CDH4: variants seen among roughly 807,000 people sequenced by gnomAD.
CDH4 encodes cadherin-4.
In CDH4, 33 loss-of-function variants were observed where a neutral mutation model predicts 86.0. That is an observed-to-expected ratio of 0.38 (90% confidence interval 0.29 to 0.51). The LOEUF is 0.51. Among genes scored for constraint, CDH4 ranks in the 20% least tolerant of loss-of-function variants. CDH4 has a pLI of 0.86. For missense variants in CDH4, 1,114 were observed against 1,307.4 expected, an observed-to-expected ratio of 0.85 and a Z score of 2.28; for synonymous variants, 555 against 549.4, an observed-to-expected ratio of 1.01 and a Z score of -0.14.
At chr20:61,880,910 C>G (rs1984245674) in intron 7 of CDH4, among the ~76,000 whole-genome samples, 1 of 152,216 alleles carries the variant, frequency 6.6e-6, no homozygotes, top group Non-Finnish European at 1.5e-5. Flanking sequence ...TGAGGGCCCC[C>G]CAGGCCCCAG....
At chr20:61,782,585 A>C (rs1220656403) in intron 4 of CDH4, among the ~76,000 whole-genome samples, 2 of 152,234 alleles carry the variant, frequency 1.3e-5, no homozygotes, top group Non-Finnish European at 2.9e-5. Context: ...GGGAGTTTAT[A>C]ATGTATGTTG....
chr20:61,407,643 T>C (rs545198897), intron 2 of CDH4, among the ~76,000 whole-genome samples: 1 of 152,334 alleles, frequency 6.6e-6, no homozygotes, highest in African/African-American at 2.4e-5. Context: ...GAGTCTGTCC[T>C]GATAAAACAT....
intron 3 of CDH4, among the ~76,000 whole-genome samples, chr20:61,752,500 A>G (rs1014690391): frequency 4.6e-5 from 7 of 152,220 alleles, no homozygotes; most frequent in Middle Eastern, 3.2e-3. Flanking sequence ...ATTAAAGTCA[A>G]ATATACATAT....
intron 5 of CDH4, among the ~76,000 whole-genome samples, chr20:61,846,227 G>A (rs1329717189): frequency 2.0e-5 from 3 of 152,240 alleles, no homozygotes; most frequent in South Asian, 2.1e-4. Context: ...GAAGGCTCAC[G>A]CCTTGGCTGG....
chr20:61,890,074 G>GTGGATGGA (rs143568927), intron 7 of CDH4, among the ~76,000 whole-genome samples: 7 of 147,978 alleles, frequency 4.7e-5, no homozygotes, highest in African/African-American at 1.8e-4. Flanking sequence ...GGATGCATGG[G>GTGGATGGA]TGGATGGATG....
At chr20:61,729,871 C>T (rs11907933) in intron 2 of CDH4, among the ~76,000 whole-genome samples, 2,204 of 152,268 alleles carry the variant, frequency 0.014, 58 homozygotes, top group African/African-American at 0.05. Flanking sequence ...ATAAATGAGA[C>T]GGCAAGAGAG....
chr20:61,592,141 T>C (rs1600788892), intron 2 of CDH4, among the ~76,000 whole-genome samples: 1 of 152,118 alleles, frequency 6.6e-6, no homozygotes, highest in East Asian at 1.9e-4. Flanking sequence ...GTGGTTCAGG[T>C]GCTTTCCCCC....
At chr20:61,794,275 G>A (rs1302358030) in intron 4 of CDH4, among the ~76,000 whole-genome samples, 1 of 152,172 alleles carries the variant, frequency 6.6e-6, no homozygotes, top group African/African-American at 2.4e-5. Flanking sequence ...GAGACACAGG[G>A]TGGGGCAGGG....
At chr20:61,563,032 G>A (rs1479704103) in intron 2 of CDH4, among the ~76,000 whole-genome samples, 2 of 152,182 alleles carry the variant, frequency 1.3e-5, no homozygotes, top group African/African-American at 2.4e-5. Flanking sequence ...AGCGGCTCCC[G>A]GAGCAACCTC....
chr20:61,464,338 C>A (rs761606849), intron 2 of CDH4, among the ~76,000 whole-genome samples: 1 of 152,138 alleles, frequency 6.6e-6, no homozygotes, highest in Non-Finnish European at 1.5e-5. Flanking sequence ...CATTTTGAAT[C>A]CAGATTGAAC....
chr20:61,402,878 G>A (rs1327980325), intron 2 of CDH4, among the ~76,000 whole-genome samples: 1 of 152,134 alleles, frequency 6.6e-6, no homozygotes, highest in Admixed American at 6.5e-5. Context: ...GAGTTCATTG[G>A]AGAAAATCCA....
chr20:61,442,400 C>CT (rs1336725608), intron 2 of CDH4, among the ~76,000 whole-genome samples: 1 of 136,330 alleles, frequency 7.3e-6, no homozygotes, highest in Non-Finnish European at 1.6e-5. Flanking sequence ...ATCCCCATAT[C>CT]GCTTATGCTC....
intron 4 of CDH4, among the ~76,000 whole-genome samples, chr20:61,808,660 C>T (rs930858369): frequency 4.6e-5 from 7 of 152,220 alleles, no homozygotes; most frequent in African/African-American, 1.2e-4. Context: ...TCCGGCAGCA[C>T]GCCCCTCCCC....
In CDH4 at chr20:61,617,716, G is replaced by C. The variant is rs150895236; in HGVS notation, c.170-125847G>C. Among the ~76,000 whole-genome samples the C allele has an allele frequency of 2.6e-5, 4 of 152,324 alleles. No homozygotes were observed. In the South Asian group the frequency reaches 6.2e-4, roughly 24 times the overall value. On this transcript the variant is annotated intron_variant, in intron 2 of 15. Transcript: ENST00000614565. The stretch of plus-strand genomic sequence containing the variant: ...ATCAGCTGGAACCGGTCCAGGGAGA[G>C]TGCTCAGGGTTTAGAGAGGGATACC...
intron 2 of CDH4, among the ~76,000 whole-genome samples, chr20:61,668,057 T>C (rs1055671877): frequency 2.0e-5 from 3 of 152,238 alleles, no homozygotes; most frequent in Non-Finnish European, 4.4e-5. Context: ...GCTTCTATAT[T>C]GAAAAGAGTG....
At chr20:61,767,824 T>C (rs946349881) in intron 3 of CDH4, among the ~76,000 whole-genome samples, 1 of 152,106 alleles carries the variant, frequency 6.6e-6, no homozygotes, top group African/African-American at 2.4e-5. Flanking sequence ...GAAACACTCA[T>C]GGGAGATAAA....
intron 3 of CDH4, among the ~76,000 whole-genome samples, chr20:61,744,838 C>A (rs13042972): frequency 6.6e-6 from 1 of 152,046 alleles, no homozygotes; most frequent in East Asian, 1.9e-4. Context: ...CCGTGCCTGA[C>A]GGGGAAGTGG....
intron 4 of CDH4, among the ~76,000 whole-genome samples, chr20:61,835,358 C>T (rs1396848099): frequency 6.6e-6 from 1 of 152,216 alleles, no homozygotes; most frequent in South Asian, 2.1e-4. Context: ...AGCCACCGTG[C>T]TGGCCAGTGT....
At chr20:61,745,910 T>A (rs2088408690) in intron 3 of CDH4, among the ~76,000 whole-genome samples, 1 of 152,194 alleles carries the variant, frequency 6.6e-6, no homozygotes, top group Admixed American at 6.5e-5. Context: ...GATTTCAGAT[T>A]TAATCCCCTG....
Sources: gnomAD v4.1 joint callset for allele counts (sites outside exome capture counted in the v4.1 genomes callset) on GRCh38, gnomAD v4.1.1 for gene constraint, MANE v1.5 for transcripts, NCBI Gene and HGNC (gene_info 2026-07-23, HGNC 2026-07-21) for gene names.